Variants in VTI1A observed in about 807,000 individuals in gnomAD.
The protein encoded by VTI1A is vesicle transport through interaction with t-SNAREs 1A, also known as vesicle transport through interaction with t-SNAREs homolog 1A.
Under a neutral mutation model 34.9 loss-of-function variants are expected in VTI1A, and 22 were observed. The ratio of observed to expected loss-of-function variants is 0.63; its 90% CI spans 0.45 to 0.90. The LOEUF is 0.90. VTI1A is among the 40% of genes least tolerant of loss of function. The probability of loss-of-function intolerance (pLI) is 0.00; values close to 1 mark genes in which losing one functional copy is unlikely to be tolerated. For synonymous variants in VTI1A, 87 were observed against 97.3 expected (o/e 0.89, Z 0.62); for missense variants, 268 against 275.6 (o/e 0.97, Z 0.20).
chr10:112,577,730 G>A (rs555768310), intron 5 of VTI1A, among the ~76,000 whole-genome samples: 10 of 152,208 alleles, frequency 6.6e-5, no homozygotes, highest in Non-Finnish European at 1.2e-4. Flanking sequence ...AAGGAACTGG[G>A]AGATGGACAA....
intron 5 of VTI1A, among the ~76,000 whole-genome samples, chr10:112,632,564 G>C (rs1439735285): frequency 6.6e-6 from 1 of 152,178 alleles, no homozygotes; most frequent in East Asian, 1.9e-4. Flanking sequence ...CATGGGGATC[G>C]TTGCCAGCCA....
chr10:112,768,138 AT>A (rs1266873170), intron 7 of VTI1A, among the ~76,000 whole-genome samples: 2 of 152,184 alleles, frequency 1.3e-5, no homozygotes, highest in African/African-American at 4.8e-5. Flanking sequence ...CCCTGCAGAT[AT>A]TGGAAAAGAG....
chr10:112,522,334 A>G (rs944436439), intron 3 of VTI1A, among the ~76,000 whole-genome samples: 18 of 152,094 alleles, frequency 1.2e-4, no homozygotes, highest in African/African-American at 3.9e-4. Context: ...GGAGAAATCT[A>G]TTAACCAATT....
chr10:112,486,166 T>A (rs555002495), intron 3 of VTI1A, among the ~76,000 whole-genome samples: 1 of 152,310 alleles, frequency 6.6e-6, no homozygotes, highest in African/African-American at 2.4e-5. Context: ...CATGTAGCAC[T>A]GCAGAAAATT....
chr10:112,655,175 T>C (rs1291883343), intron 5 of VTI1A, among the ~76,000 whole-genome samples: 3 of 152,226 alleles, frequency 2.0e-5, no homozygotes, highest in Non-Finnish European at 4.4e-5. Context: ...AAATTGTGGA[T>C]TCACGGCCCA....
intron 7 of VTI1A, among the ~76,000 whole-genome samples, chr10:112,801,353 T>C (rs1852869695): frequency 6.6e-6 from 1 of 152,160 alleles, no homozygotes; most frequent in South Asian, 2.1e-4. Context: ...ATTATAAAGA[T>C]TCAATGACAT....
At chr10:112,512,100 G>A (rs112728874) in intron 3 of VTI1A, among the ~76,000 whole-genome samples, 2,881 of 152,130 alleles carry the variant, frequency 0.019, 94 homozygotes, top group African/African-American at 0.065. Context: ...TTGCTGGATC[G>A]AATGGTACTT....
At chr10:112,624,063 G>T (rs545638869) in intron 5 of VTI1A, among the ~76,000 whole-genome samples, 1 of 152,318 alleles carries the variant, frequency 6.6e-6, no homozygotes, top group South Asian at 2.1e-4. Context: ...TTCCGTCTAA[G>T]ATATGAACTT....
intron 5 of VTI1A, among the ~76,000 whole-genome samples, chr10:112,659,371 A>G (rs1415472766): frequency 6.6e-6 from 1 of 152,316 alleles, no homozygotes; most frequent in East Asian, 1.9e-4. Context: ...GAATGGATTC[A>G]TTCTCATTTT....
At chr10:112,645,847 G>T (rs1249209039) in intron 5 of VTI1A, among the ~76,000 whole-genome samples, 3 of 150,442 alleles carry the variant, frequency 2.0e-5, no homozygotes, top group Non-Finnish European at 4.4e-5. Flanking sequence ...TATTTCACTT[G>T]ATCATTTATT....
chr10:112,527,673 C>A, intron 4 of VTI1A, among the ~76,000 whole-genome samples: 1 of 150,956 alleles, frequency 6.6e-6, no homozygotes, highest in Admixed American at 6.6e-5. Context: ...CTTGGATACC[C>A]ATACAGAGGA....
chr10:112,774,399 G>A (rs1052790974), intron 7 of VTI1A, among the ~76,000 whole-genome samples: 1 of 152,122 alleles, frequency 6.6e-6, no homozygotes, highest in Non-Finnish European at 1.5e-5. Context: ...CCATCCAGGG[G>A]CCACCCCAGG....
intron 7 of VTI1A, among the ~76,000 whole-genome samples, chr10:112,805,823 G>A (rs1853053741): frequency 6.6e-6 from 1 of 152,136 alleles, no homozygotes; most frequent in South Asian, 2.1e-4. Flanking sequence ...TGCTCTCTCA[G>A]GGAACCAACC....
At chr10:112,475,948 C>T (rs1032335246) in intron 3 of VTI1A, among the ~76,000 whole-genome samples, 5 of 152,098 alleles carry the variant, frequency 3.3e-5, no homozygotes, top group African/African-American at 9.7e-5. Flanking sequence ...TTTTATTAAC[C>T]AGCCCAGTGC....
At chr10:112,815,243 G>A in intron 7 of VTI1A, 47 bp from the exon 8 acceptor site, 1 of 1,540,816 alleles carries the variant, frequency 6.5e-7, no homozygotes, top group Non-Finnish European at 9.0e-7. Context: ...TTGTGGGAAG[G>A]CCTTCCACTT....
At chr10:112,518,735 C>A (rs78471698) in intron 3 of VTI1A, among the ~76,000 whole-genome samples, 2,755 of 149,980 alleles carry the variant, frequency 0.018, 41 homozygotes, top group South Asian at 0.028. Flanking sequence ...GTTGATATAC[C>A]TACCATAAAG....
At chr10:112,716,516 T>A (rs928766853) in intron 7 of VTI1A, among the ~76,000 whole-genome samples, 16 of 152,162 alleles carry the variant, frequency 1.1e-4, no homozygotes, top group South Asian at 2.1e-4. Context: ...TTCCTGGAGT[T>A]GGTGATACCT....
intron 2 of VTI1A, among the ~76,000 whole-genome samples, chr10:112,461,358 G>C (rs570234601): frequency 4.6e-5 from 7 of 152,268 alleles, no homozygotes; most frequent in African/African-American, 1.4e-4. Context: ...GAGTCCTCAG[G>C]ACCTTGTATT....
intron 5 of VTI1A, among the ~76,000 whole-genome samples, chr10:112,667,971 C>G (rs1317980322): frequency 1.3e-5 from 2 of 152,118 alleles, no homozygotes; most frequent in Non-Finnish European, 2.9e-5. Context: ...CTGGACAAGA[C>G]ATCATCTCTA....
Sources: gnomAD v4.1 joint callset for allele counts (sites outside exome capture counted in the v4.1 genomes callset) on GRCh38, gnomAD v4.1.1 for gene constraint, MANE v1.5 for transcripts, NCBI Gene and HGNC (gene_info 2026-07-23, HGNC 2026-07-21) for gene names.